Variants in PTH2R observed in about 807,000 individuals in gnomAD.
The protein encoded by PTH2R is parathyroid hormone 2 receptor, also known as PTH2 receptor.
A neutral mutation model predicts 60.3 loss-of-function variants in PTH2R; 59 were observed. The observed-to-expected ratio is 0.98, with a 90% CI of 0.79 to 1.22. The LOEUF (loss-of-function observed/expected upper bound fraction) is 1.22. Among genes scored for constraint, PTH2R ranks in the 50% most tolerant of loss-of-function variants. PTH2R has a pLI of 0.00. For synonymous variants in PTH2R, 256 were observed against 243.8 expected, an observed-to-expected ratio of 1.05 and a Z score of -0.47; for missense variants, 749 against 682.6, an observed-to-expected ratio of 1.10 and a Z score of -1.08.
chr2:208,373,027 A>G (rs1412327278), intron 1 of PTH2R, among the ~76,000 whole-genome samples: 2 of 152,132 alleles, frequency 1.3e-5, no homozygotes, highest in African/African-American at 4.8e-5. Context: ...TGGAGGCTGC[A>G]GTGAGCAAAG....
chr2:208,366,908 T>C (rs1485692006), intron 1 of PTH2R, among the ~76,000 whole-genome samples: 1 of 152,178 alleles, frequency 6.6e-6, no homozygotes, highest in Non-Finnish European at 1.5e-5. Context: ...TGTATTCAAA[T>C]AAGGGAAATG....
intron 1 of PTH2R, among the ~76,000 whole-genome samples, chr2:208,389,266 AC>A (rs1262555288): frequency 1.3e-5 from 2 of 148,844 alleles, no homozygotes; most frequent in African/African-American, 2.5e-5. Context: ...ACACACACAC[AC>A]AATCTATTGA....
intron 1 of PTH2R, among the ~76,000 whole-genome samples, chr2:208,410,089 G>A (rs1337441811): frequency 6.6e-6 from 1 of 152,128 alleles, no homozygotes; most frequent in Non-Finnish European, 1.5e-5. Context: ...AAATGGCCAG[G>A]TCTTAGAATT....
chr2:208,492,954 A>T (rs529258106), intron 12 of PTH2R, among the ~76,000 whole-genome samples: 30 of 152,220 alleles, frequency 2.0e-4, no homozygotes, highest in African/African-American at 7.0e-4. Flanking sequence ...CTTCCAACCC[A>T]GAATCTCCTT....
At chr2:208,411,035 C>T (rs2105835780) in intron 1 of PTH2R, among the ~76,000 whole-genome samples, 1 of 152,298 alleles carries the variant, frequency 6.6e-6, no homozygotes, top group East Asian at 1.9e-4. Context: ...CACTTGAGGT[C>T]AGGAGTTCGA....
intron 1 of PTH2R, among the ~76,000 whole-genome samples, chr2:208,384,582 T>C (rs970593385): frequency 1.3e-5 from 2 of 152,232 alleles, no homozygotes; most frequent in Non-Finnish European, 2.9e-5. Context: ...TGCTGAGTGC[T>C]AGTTTCTTTA....
chr2:208,370,477 A>G lies in PTH2R; in HGVS notation c.-259+10240A>G, dbSNP rs28639554. 3.6e-5 allele frequency among the ~76,000 whole-genome samples: 3 copies of G among 82,704 alleles called. No individual in the cohort carries two copies. In the East Asian group the frequency reaches 1.0e-3, roughly 28 times the overall value. 54.3% of individuals were successfully genotyped at this position (82,704 alleles called of 152,430 possible). On this transcript the variant is annotated intron_variant, in intron 1 of 12. Transcript: ENST00000617735. ...AAAAAAAAAAAAAAAAAAAAAAAAG[A>G]AAGGTCAACATTCTACGTTAGGTAA...
At chr2:208,422,687 A>G (rs1701780303) in intron 1 of PTH2R, among the ~76,000 whole-genome samples, 1 of 152,106 alleles carries the variant, frequency 6.6e-6, no homozygotes, top group Non-Finnish European at 1.5e-5. Flanking sequence ...TTTTTTGGTG[A>G]TAATTGTAAA....
intron 6 of PTH2R, among the ~76,000 whole-genome samples, chr2:208,443,751 A>G (rs1057054273): frequency 8.5e-5 from 13 of 152,146 alleles, no homozygotes; most frequent in Non-Finnish European, 1.6e-4. Context: ...TTTTTCCTCA[A>G]GAATATTCTG....
At chr2:208,449,238 A>C (rs541943839) in intron 7 of PTH2R, among the ~76,000 whole-genome samples, 3 of 152,192 alleles carry the variant, frequency 2.0e-5, no homozygotes, top group Non-Finnish European at 2.9e-5. Flanking sequence ...TCCCCTCCCC[A>C]TTACATAGTA....
intron 1 of PTH2R, among the ~76,000 whole-genome samples, chr2:208,372,167 C>T (rs555652257): frequency 9.2e-5 from 14 of 152,128 alleles, no homozygotes; most frequent in South Asian, 8.3e-4. Flanking sequence ...GTGATTCGCC[C>T]GCCTCGGCCT....
chr2:208,477,745 C>T (rs570067076), intron 9 of PTH2R, among the ~76,000 whole-genome samples: 2 of 151,812 alleles, frequency 1.3e-5, no homozygotes, highest in South Asian at 4.2e-4. Flanking sequence ...AGCCATCTCT[C>T]TTTTTTTAAA....
chr2:208,416,155 G>A (rs61195726), intron 1 of PTH2R, among the ~76,000 whole-genome samples: 1 of 152,130 alleles, frequency 6.6e-6, no homozygotes, highest in Non-Finnish European at 1.5e-5. Context: ...AATAGTCTGT[G>A]TGGGAGAACA....
intron 9 of PTH2R, among the ~76,000 whole-genome samples, chr2:208,460,973 A>G (rs1357125892): frequency 6.6e-6 from 1 of 152,170 alleles, no homozygotes; most frequent in African/African-American, 2.4e-5. Flanking sequence ...GAGGTATTGT[A>G]ACCTCATCCA....
rs1442767832 is a variant in PTH2R, at chr2:208,489,070, T to A, written c.1135T>A (p.Phe379Ile). 8.7e-6 allele frequency: 14 copies of A among 1,614,022 alleles called. No homozygotes were observed. Among genetic ancestry groups the A allele is most frequent in the African/African-American group, 1.3e-5 (1 of 74,908 alleles). Reference protein sequence around the residue: ...VLVFGVHYIVFVCLPHSFTGL... With the variant: ...VLVFGVHYIVIVCLPHSFTGL... ...AGTCTTTGGAGTGCATTACATCGTG[T>A]TCGTATGCCTGCCTCACTCCTTCAC... The change falls in exon 11 of 13, where the codon TTC becomes ATC. Residue 379 changes from phenylalanine to isoleucine, a missense_variant. Physicochemically the swap from Phe to Ile is conservative, Grantham distance 21. Transcript: ENST00000272847.
At chr2:208,401,918 T>A (rs1701317414), upstream of PTH2R, among the ~76,000 whole-genome samples, 2 of 152,118 alleles carry the variant, frequency 1.3e-5, no homozygotes, top group Non-Finnish European at 2.9e-5. Context: ...CTTACACAGC[T>A]CCCTGGTTCC....
In PTH2R at chr2:208,428,104, C is replaced by A. The variant is rs996714729; in HGVS notation, c.76-97C>A. 1.2e-5 allele frequency: 10 copies of A among 855,900 alleles called. 1 individual carries two copies. In the Admixed American group the frequency reaches 1.8e-4, roughly 16 times the overall value. 53.0% of individuals were successfully genotyped at this position (855,900 alleles called of 1,614,324 possible). ...CTATTTCAAATAGCTTGATATCAAA[C>A]TCATTTTCAATTAGATTAGAAGGTG... On this transcript the variant is annotated intron_variant, in intron 1 of 12. Transcript: ENST00000272847.
chr2:208,393,938 A>C (rs1347862276), intron 1 of PTH2R, among the ~76,000 whole-genome samples: 4 of 152,030 alleles, frequency 2.6e-5, no homozygotes, highest in African/African-American at 4.8e-5. Context: ...AGGGGACTGG[A>C]AGGGTTGGGA....
chr2:208,420,148 G>C lies in PTH2R; in HGVS notation c.76-8053G>C, dbSNP rs567972059. On this transcript the variant is annotated intron_variant, in intron 1 of 12. Coordinates refer to ENST00000272847, the MANE Select transcript of PTH2R (RefSeq NM_005048.4). ...CGGGGACTGTTGTGGGGTGGGGGGA[G>C]TGGGGAGGGATAGCATTAGGAGATA... Among the ~76,000 whole-genome samples the C allele has an allele frequency of 1.9e-3, 282 of 151,996 alleles. 3 individuals carry two copies. The highest frequency in any genetic ancestry group is 6.7e-3 in the African/African-American group (276 of 41,444).
Sources: gnomAD v4.1 joint callset for allele counts (sites outside exome capture counted in the v4.1 genomes callset) on GRCh38, gnomAD v4.1.1 for gene constraint, MANE v1.5 for transcripts, NCBI Gene and HGNC (gene_info 2026-07-23, HGNC 2026-07-21) for gene names.